The following ARB2A variants were observed in gnomAD, a reference collection of about 807,000 sequenced individuals.
ARB2A encodes cotranscriptional regulator ARB2A.
the ARB2A span, among the ~76,000 whole-genome samples, chr5:93,635,214 G>A: frequency 3.3e-5 from 5 of 152,184 alleles, no homozygotes; most frequent in African/African-American, 4.8e-5. Context: ...CATTCAGCAA[G>A]GAGCTTTGTA....
the ARB2A span, among the ~76,000 whole-genome samples, chr5:94,067,259 C>T: frequency 6.6e-6 from 1 of 152,140 alleles, no homozygotes; most frequent in East Asian, 1.9e-4. Context: ...AAGTTGAAAG[C>T]TTTTCCTCTA....
At chr5:93,895,777 GAGAA>G in the ARB2A span, among the ~76,000 whole-genome samples, 4 of 151,834 alleles carry the variant, frequency 2.6e-5, no homozygotes, top group African/African-American at 9.7e-5. Context: ...ATGAAATATG[GAGAA>G]AGAACTAGTT....
the ARB2A span, among the ~76,000 whole-genome samples, chr5:93,970,970 A>C: frequency 6.6e-6 from 1 of 152,126 alleles, no homozygotes; most frequent in Non-Finnish European, 1.5e-5. Flanking sequence ...CTATATTGAA[A>C]GTTTAAAAAT....
chr5:93,794,006 G>C, the ARB2A span, among the ~76,000 whole-genome samples: 1 of 152,144 alleles, frequency 6.6e-6, no homozygotes, highest in Non-Finnish European at 1.5e-5. Flanking sequence ...AAGGATGTCT[G>C]CTGAGAGCAC....
At chr5:93,711,234 TC>T in the ARB2A span, among the ~76,000 whole-genome samples, 1 of 147,890 alleles carries the variant, frequency 6.8e-6, no homozygotes, top group Admixed American at 6.8e-5. Context: ...CATACATATC[TC>T]CCCCCACCCC....
At chr5:93,855,152 T>C in the ARB2A span, among the ~76,000 whole-genome samples, 1 of 152,202 alleles carries the variant, frequency 6.6e-6, no homozygotes, top group Non-Finnish European at 1.5e-5. Flanking sequence ...CTGTATTGGG[T>C]GCATATATAT....
chr5:93,674,698 GC>G, the ARB2A span, among the ~76,000 whole-genome samples: 1 of 152,218 alleles, frequency 6.6e-6, no homozygotes, highest in African/African-American at 2.4e-5. Context: ...AGGAGCTTTT[GC>G]TTTAACTTAA....
chr5:93,939,781 ATT>A, the ARB2A span, among the ~76,000 whole-genome samples: 1 of 152,184 alleles, frequency 6.6e-6, no homozygotes, highest in Admixed American at 6.5e-5. Flanking sequence ...GAAATAACTT[ATT>A]TTCATTCAGA....
chr5:94,090,895 C>T, the ARB2A span, among the ~76,000 whole-genome samples: 4 of 152,158 alleles, frequency 2.6e-5, no homozygotes, highest in East Asian at 1.9e-4. Context: ...CACTAAATTG[C>T]CTAGTAATTT....
At chr5:93,682,816 C>A in the ARB2A span, 1 of 1,238,296 alleles carries the variant, frequency 8.1e-7, no homozygotes. Flanking sequence ...AAATTTTTAA[C>A]AAATTGTTTA....
the ARB2A span, among the ~76,000 whole-genome samples, chr5:93,703,440 T>C: frequency 6.6e-6 from 1 of 152,338 alleles, no homozygotes. Flanking sequence ...ATAAAGTGAA[T>C]GGCACAAAGC....
chr5:93,654,348 T>TATGCCATACTGTAAGGGAGA, the ARB2A span, among the ~76,000 whole-genome samples: 2 of 152,220 alleles, frequency 1.3e-5, no homozygotes, highest in Non-Finnish European at 2.9e-5. Flanking sequence ...TCATTAACAC[T>TATGCCATACTGTAAGGGAGA]ATGCCATACT....
At chr5:93,832,989 A>T in the ARB2A span, among the ~76,000 whole-genome samples, 1 of 152,210 alleles carries the variant, frequency 6.6e-6, no homozygotes, top group African/African-American at 2.4e-5. Context: ...AAGTATTTAT[A>T]ACTATTTACA....
the ARB2A span, among the ~76,000 whole-genome samples, chr5:93,905,190 T>A: frequency 6.6e-6 from 1 of 151,726 alleles, no homozygotes; most frequent in Non-Finnish European, 1.5e-5. Context: ...GACAGTTTCT[T>A]TATTCCCCAA....
chr5:93,812,732 C>A, the ARB2A span, among the ~76,000 whole-genome samples: 1 of 152,010 alleles, frequency 6.6e-6, no homozygotes, highest in Non-Finnish European at 1.5e-5. Context: ...CCTATTTGTG[C>A]CTACATATCC....
the ARB2A span, among the ~76,000 whole-genome samples, chr5:93,626,162 C>A: frequency 6.6e-6 from 1 of 152,152 alleles, no homozygotes; most frequent in Admixed American, 6.5e-5. Flanking sequence ...AATATAATTT[C>A]TGTTAATGAA....
the ARB2A span, among the ~76,000 whole-genome samples, chr5:93,697,384 A>C: frequency 6.6e-6 from 1 of 152,092 alleles, no homozygotes; most frequent in African/African-American, 2.4e-5. Context: ...TTTTGTTTAA[A>C]CATTCTTTCT....
the ARB2A span, among the ~76,000 whole-genome samples, chr5:94,006,206 A>G: frequency 1.4e-4 from 22 of 152,348 alleles, no homozygotes; most frequent in Admixed American, 1.2e-3. Flanking sequence ...CAGCAATATA[A>G]AAGAACAAAT....
At chr5:93,634,837 G>A in the ARB2A span, among the ~76,000 whole-genome samples, 4,104 of 152,064 alleles carry the variant, frequency 0.027, 166 homozygotes, top group African/African-American at 0.094. Flanking sequence ...GTGCAAGGGC[G>A]TGATCTTGGC....
Sources: allele counts gnomAD v4.1 joint callset (sites outside exome capture counted in the v4.1 genomes callset), GRCh38; gene constraint gnomAD v4.1.1; transcripts MANE v1.5; gene names NCBI Gene and HGNC (gene_info 2026-07-23, HGNC 2026-07-21).